Variants in TMEM132C observed in about 807,000 individuals in gnomAD.
The protein encoded by TMEM132C is transmembrane protein 132C, also known as protein phosphatase 1, regulatory subunit 152.
Under a neutral mutation model 61.4 loss-of-function variants are expected in TMEM132C, and 29 were observed. That is an observed-to-expected ratio of 0.47 (90% CI 0.35 to 0.64). The LOEUF (loss-of-function observed/expected upper bound fraction) is 0.64, where lower values mean the gene tolerates loss of function less well. TMEM132C is among the 30% of genes least tolerant of loss of function. The pLI, the probability that TMEM132C is intolerant of heterozygous loss-of-function variation, is 0.00. For synonymous variants in TMEM132C, 656 were observed against 633.1 expected, an observed-to-expected ratio of 1.04 and a Z score of -0.54; for missense variants, 1,408 against 1,476.9, an observed-to-expected ratio of 0.95 and a Z score of 0.76.
intron 3 of TMEM132C, among the ~76,000 whole-genome samples, chr12:128,559,476 T>TG (rs1240748677): frequency 6.6e-6 from 1 of 152,148 alleles, no homozygotes; most frequent in Admixed American, 6.5e-5. Context: ...ACTCCAGCAG[T>TG]GGACTAGCTG....
chr12:128,481,308 A>G (rs952427676), intron 2 of TMEM132C, among the ~76,000 whole-genome samples: 6 of 152,208 alleles, frequency 3.9e-5, no homozygotes, highest in African/African-American at 1.4e-4. Flanking sequence ...CGCAATGTAG[A>G]AAACAAGGCA....
intron 1 of TMEM132C, among the ~76,000 whole-genome samples, chr12:128,364,321 C>A (rs1404283462): frequency 6.7e-6 from 1 of 148,550 alleles, no homozygotes; most frequent in African/African-American, 2.5e-5. Context: ...CTCCTCCCCT[C>A]CCCGCCCCCG....
At chr12:128,418,634 T>G (rs1868866052) in intron 2 of TMEM132C, among the ~76,000 whole-genome samples, 1 of 152,278 alleles carries the variant, frequency 6.6e-6, no homozygotes. Flanking sequence ...CAGCTTCCGC[T>G]GGTGGTACCA....
intron 2 of TMEM132C, among the ~76,000 whole-genome samples, chr12:128,478,137 A>T (rs1306595350): frequency 6.6e-6 from 1 of 152,198 alleles, no homozygotes; most frequent in Non-Finnish European, 1.5e-5. Flanking sequence ...AAGCATCTCT[A>T]TTGGAAAAAA....
chr12:128,316,991 C>G (rs2135931315), intron 1 of TMEM132C, among the ~76,000 whole-genome samples: 1 of 152,308 alleles, frequency 6.6e-6, no homozygotes, highest in East Asian at 1.9e-4. Context: ...AGCTATCACC[C>G]TTATGTACTT....
chr12:128,694,748 G>A (rs1954745653), intron 6 of TMEM132C, among the ~76,000 whole-genome samples: 1 of 152,194 alleles, frequency 6.6e-6, no homozygotes. Flanking sequence ...ATCTCTACAA[G>A]GGGAAGCTGA....
chr12:128,485,259 C>T (rs1046592177), intron 2 of TMEM132C, among the ~76,000 whole-genome samples: 3 of 152,166 alleles, frequency 2.0e-5, no homozygotes, highest in African/African-American at 7.2e-5. Flanking sequence ...TCACTGCAAC[C>T]TCCGCCTCGC....
At chr12:128,677,287 G>A (rs1954598017) in intron 5 of TMEM132C, among the ~76,000 whole-genome samples, 1 of 152,168 alleles carries the variant, frequency 6.6e-6, no homozygotes, top group African/African-American at 2.4e-5. Flanking sequence ...AAACACAGAT[G>A]TGCCGGCCAT....
intron 1 of TMEM132C, among the ~76,000 whole-genome samples, chr12:128,325,191 A>C (rs1872465798): frequency 6.6e-6 from 1 of 152,200 alleles, no homozygotes; most frequent in South Asian, 2.1e-4. Context: ...AGTAAGTGCT[A>C]GTGCTGCTGC....
At chr12:128,625,716 C>T (rs541285027) in intron 4 of TMEM132C, among the ~76,000 whole-genome samples, 6 of 152,316 alleles carry the variant, frequency 3.9e-5, no homozygotes, top group South Asian at 2.1e-4. Flanking sequence ...ACAACATGTA[C>T]CAATTATGGG....
intron 1 of TMEM132C, among the ~76,000 whole-genome samples, chr12:128,401,356 A>T (rs772872493): frequency 1.3e-4 from 20 of 152,106 alleles, no homozygotes; most frequent in Non-Finnish European, 2.5e-4. Flanking sequence ...ATTAAAAACA[A>T]ATCAGTATAG....
rs1329551621 is a variant in TMEM132C, at chr12:128,630,493, C to A, written c.1305+14158C>A. 6.6e-6 allele frequency among the ~76,000 whole-genome samples: 1 copy of A among 152,202 alleles called. No homozygotes were observed. Among genetic ancestry groups the A allele is most frequent in the African/African-American group, 2.4e-5 (1 of 41,454 alleles). On this transcript the variant is annotated intron_variant, in intron 4 of 8. Transcript: ENST00000435159. This position sits in a 1 kb window ranked among gnomAD's most constrained non-coding sequence, Gnocchi z 4.3. Reference sequence around the variant, plus strand: ...AAATATCCCCTCCTCACTAGGCCCCCTGACTAACCTGCCTAAAAGAGCAAC... The same window carrying A: ...AAATATCCCCTCCTCACTAGGCCCCATGACTAACCTGCCTAAAAGAGCAAC...
intron 1 of TMEM132C, among the ~76,000 whole-genome samples, chr12:128,393,085 A>G (rs962235766): frequency 9.9e-5 from 15 of 152,244 alleles, no homozygotes; most frequent in South Asian, 2.1e-4. Flanking sequence ...AGAGATGCCT[A>G]TCATGGCATG....
rs368367804 is a variant in TMEM132C, at chr12:128,584,799, C to T, written c.1122-31353C>T. On this transcript the variant is annotated intron_variant, in intron 3 of 8. Transcript: ENST00000435159. ...GCTGGGTGCTCCACTGGGCGAGGGCCGGGGGGTCTTTGCTGTCCTCCACAT... is the reference window on the plus strand; with the variant it reads ...GCTGGGTGCTCCACTGGGCGAGGGCTGGGGGGTCTTTGCTGTCCTCCACAT... 4.6e-5 allele frequency among the ~76,000 whole-genome samples: 7 copies of T among 152,222 alleles called. No homozygotes were observed. In the East Asian group the frequency reaches 7.7e-4, roughly 17 times the overall value.
At position 128,415,706 on chromosome 12, in the gene TMEM132C, G is replaced by A. The variant is rs1021670722; in HGVS notation, c.974+86G>A. 2.8e-6 allele frequency: 4 copies of A among 1,408,658 alleles called. No individual in the cohort carries two copies. The African/African-American group carries it at 5.8e-5, about 20-fold the overall frequency. 87.3% of individuals were successfully genotyped at this position (1,408,658 alleles called of 1,614,324 possible). A position where few individuals can be genotyped will look rare whatever the true frequency, so the allele number is the denominator to read the frequency against. On this transcript the variant is annotated intron_variant, in intron 2 of 8. Transcript: ENST00000435159. This position sits in a 1 kb window ranked among gnomAD's most constrained non-coding sequence, Gnocchi z 5.8. ...TGCGTGGCAGATAGATATTCAGGAAGCATCGATTTTCACTACCTTCAGGGA... is the reference window on the plus strand; with the variant it reads ...TGCGTGGCAGATAGATATTCAGGAAACATCGATTTTCACTACCTTCAGGGA...
chr12:128,548,368 T>C (rs1413427329), intron 3 of TMEM132C, among the ~76,000 whole-genome samples: 1 of 152,196 alleles, frequency 6.6e-6, no homozygotes, highest in Non-Finnish European at 1.5e-5. Flanking sequence ...TCAGTGATAT[T>C]TGTTGGGACA....
chr12:128,477,317 A>G (rs1021902239), intron 2 of TMEM132C, among the ~76,000 whole-genome samples: 4 of 152,202 alleles, frequency 2.6e-5, no homozygotes, highest in African/African-American at 9.6e-5. Flanking sequence ...TGTCTTCCTT[A>G]TAGCAATAGC....
chr12:128,458,726 C>T (rs1227517186), intron 2 of TMEM132C, among the ~76,000 whole-genome samples: 1 of 152,186 alleles, frequency 6.6e-6, no homozygotes, highest in African/African-American at 2.4e-5. Flanking sequence ...TACATATTCC[C>T]ACCATCGCCA....
chr12:128,322,147 T>C (rs1285114091), intron 1 of TMEM132C, among the ~76,000 whole-genome samples: 1 of 152,248 alleles, frequency 6.6e-6, no homozygotes, highest in Non-Finnish European at 1.5e-5. Flanking sequence ...TGATGTGGCT[T>C]CTGCCAGCCT....
Sources: gnomAD v4.1 joint callset for allele counts (sites outside exome capture counted in the v4.1 genomes callset) on GRCh38, gnomAD v4.1.1 for gene constraint, Gnocchi (gnomAD v3.1) non-coding constraint, MANE v1.5 for transcripts, NCBI Gene and HGNC (gene_info 2026-07-23, HGNC 2026-07-21) for gene names.